CACNA2D1: variants seen among roughly 807,000 people sequenced by gnomAD.
CACNA2D1 encodes calcium voltage-gated channel auxiliary subunit alpha2delta 1.
Under a neutral mutation model 171.5 loss-of-function variants are expected in CACNA2D1, and 53 were observed. That is an observed-to-expected ratio of 0.31 (90% CI 0.25 to 0.39). The LOEUF is 0.39. Among genes scored for constraint, CACNA2D1 ranks in the 10% least tolerant of loss-of-function variants. CACNA2D1 has a pLI of 1.00. For synonymous variants in CACNA2D1, 442 were observed against 443.1 expected (o/e 1.00, Z 0.03); for missense variants, 903 against 1,299.8 (o/e 0.69, Z 4.69).
chr7:82,093,796 A>G (rs10265730), intron 6 of CACNA2D1, among the ~76,000 whole-genome samples: 61,181 of 151,836 alleles, frequency 0.4, 12,668 homozygotes, highest in Middle Eastern at 0.54. Flanking sequence ...CCACCCACAC[A>G]TACACAGGCA....
chr7:82,440,457 T>C (rs938909937), intron 1 of CACNA2D1, among the ~76,000 whole-genome samples: 1 of 151,862 alleles, frequency 6.6e-6, no homozygotes, highest in Admixed American at 6.6e-5. Context: ...AAAATACCAA[T>C]ACGACATGTG....
At chr7:82,354,701 C>T (rs1820223957) in intron 1 of CACNA2D1, among the ~76,000 whole-genome samples, 1 of 152,060 alleles carries the variant, frequency 6.6e-6, no homozygotes, top group South Asian at 2.1e-4. Context: ...TGGCACTATA[C>T]CGGAGGTCAT....
Position 82,186,222 on chromosome 7 carries a change from AG to A in CACNA2D1, c.295-15614del, listed in dbSNP as rs1563173914. On this transcript the variant is annotated intron_variant, in intron 3 of 38. Coordinates refer to ENST00000356860, the MANE Select transcript of CACNA2D1 (RefSeq NM_000722.4). ...GAGGGAGGGAGGGAGGGAGGGAAAG[AG>A]AGAGAGAGAAGGAAGGAAGGAAGGA... Among the ~76,000 whole-genome samples the A allele has an allele frequency of 4.8e-4, 45 of 94,324 alleles. 1 individual carries two copies. The East Asian group carries it at 0.012, about 25-fold the overall frequency. 61.9% of individuals were successfully genotyped at this position (94,324 alleles called of 152,430 possible).
intron 1 of CACNA2D1, among the ~76,000 whole-genome samples, chr7:82,409,971 T>C (rs570613296): frequency 1.3e-5 from 2 of 152,260 alleles, no homozygotes; most frequent in Admixed American, 1.3e-4. Flanking sequence ...TGTAACATAA[T>C]GATAAGTGTC....
At chr7:82,000,560 A>G (rs931472250) in intron 18 of CACNA2D1, among the ~76,000 whole-genome samples, 1 of 151,746 alleles carries the variant, frequency 6.6e-6, no homozygotes, top group Non-Finnish European at 1.5e-5. Context: ...TCTCTTAATA[A>G]CATATTACCT....
chr7:82,440,409 A>G (rs1229601380), intron 1 of CACNA2D1, among the ~76,000 whole-genome samples: 1 of 152,060 alleles, frequency 6.6e-6, no homozygotes, highest in South Asian at 2.1e-4. Context: ...TTATTTCTAG[A>G]AAAACGGACA....
chr7:82,167,815 T>A (rs965695885), intron 4 of CACNA2D1, among the ~76,000 whole-genome samples: 8 of 152,076 alleles, frequency 5.3e-5, no homozygotes, highest in Admixed American at 3.3e-4. Context: ...CTAAATAAAT[T>A]GTGAGGTAAC....
chr7:82,047,196 T>G (rs1804656961), intron 10 of CACNA2D1, among the ~76,000 whole-genome samples: 1 of 152,108 alleles, frequency 6.6e-6, no homozygotes, highest in African/African-American at 2.4e-5. Context: ...CCAGGTACAA[T>G]AACCTTATCA....
chr7:82,116,559 G>A (rs1036975467), intron 6 of CACNA2D1, among the ~76,000 whole-genome samples: 1 of 152,096 alleles, frequency 6.6e-6, no homozygotes, highest in African/African-American at 2.4e-5. Context: ...CTATATCCTA[G>A]GGTAAGGCAG....
chr7:82,134,850 C>G (rs150907036), intron 5 of CACNA2D1, among the ~76,000 whole-genome samples: 7 of 152,074 alleles, frequency 4.6e-5, no homozygotes, highest in African/African-American at 1.4e-4. Context: ...AATAGTAACA[C>G]GTGCACTTTT....
chr7:82,139,368 G>T (rs1792086399), intron 4 of CACNA2D1, among the ~76,000 whole-genome samples: 1 of 152,132 alleles, frequency 6.6e-6, no homozygotes, highest in Admixed American at 6.5e-5. Flanking sequence ...TTTTGATCCT[G>T]TTAAGAGCTA....
intron 3 of CACNA2D1, among the ~76,000 whole-genome samples, chr7:82,305,731 T>C (rs1004493451): frequency 2.0e-5 from 3 of 152,200 alleles, no homozygotes; most frequent in African/African-American, 4.8e-5. Flanking sequence ...TAAATTTATA[T>C]GATTTTCTCC....
At chr7:82,187,048 C>G (rs370785378) in intron 3 of CACNA2D1, among the ~76,000 whole-genome samples, 42 of 152,220 alleles carry the variant, frequency 2.8e-4, no homozygotes, top group African/African-American at 1.0e-3. Flanking sequence ...ATTTTTAAGG[C>G]TGCAAATGAT....
At chr7:82,022,486 T>C (rs984387408) in intron 12 of CACNA2D1, among the ~76,000 whole-genome samples, 1 of 151,912 alleles carries the variant, frequency 6.6e-6, no homozygotes, top group Admixed American at 6.6e-5. Flanking sequence ...ATGCTACAAG[T>C]TAAATGTCTT....
At chr7:82,426,945 T>C (rs1829250477) in intron 1 of CACNA2D1, among the ~76,000 whole-genome samples, 1 of 152,238 alleles carries the variant, frequency 6.6e-6, no homozygotes, top group Non-Finnish European at 1.5e-5. Flanking sequence ...CAGTGTATTG[T>C]TATAACTGTT....
chr7:82,240,501 A>T (rs1283515332), intron 3 of CACNA2D1, among the ~76,000 whole-genome samples: 7 of 152,192 alleles, frequency 4.6e-5, no homozygotes, highest in Non-Finnish European at 1.0e-4. Context: ...ATTGAGTTTT[A>T]AAATCTCAAA....
chr7:82,162,291 CTT>C (rs35313227), intron 4 of CACNA2D1, among the ~76,000 whole-genome samples: 2 of 149,116 alleles, frequency 1.3e-5, no homozygotes, highest in African/African-American at 4.9e-5. Flanking sequence ...GGGTAATAGA[CTT>C]TTTTTTTTCT....
intron 3 of CACNA2D1, among the ~76,000 whole-genome samples, chr7:82,220,156 A>G (rs1801589366): frequency 6.6e-6 from 1 of 152,218 alleles, no homozygotes; most frequent in South Asian, 2.1e-4. Context: ...ATCTGTTAAC[A>G]TCTACGAAAA....
At chr7:82,052,659 T>C (rs1383024405) in intron 10 of CACNA2D1, among the ~76,000 whole-genome samples, 2 of 152,102 alleles carry the variant, frequency 1.3e-5, no homozygotes, top group Non-Finnish European at 2.9e-5. Flanking sequence ...TATAATGTGG[T>C]TGACACTAAA....
Sources: allele counts gnomAD v4.1 joint callset (sites outside exome capture counted in the v4.1 genomes callset), GRCh38; gene constraint gnomAD v4.1.1; transcripts MANE v1.5; gene names NCBI Gene and HGNC (gene_info 2026-07-23, HGNC 2026-07-21).